The following ACTN1 variants were observed in gnomAD, a reference collection of about 807,000 sequenced individuals.
ACTN1 encodes the protein actinin alpha 1, also known as alpha-actinin-1.
A neutral mutation model predicts 119.6 loss-of-function variants in ACTN1; 30 were observed. That is an observed-to-expected ratio of 0.25 (90% CI 0.19 to 0.34). ACTN1 has a LOEUF of 0.34. Ranked by LOEUF, ACTN1 falls within the 10% of genes least tolerant of loss-of-function variation. ACTN1 has a pLI of 1.00. For missense variants in ACTN1, 764 were observed against 1,223.4 expected (o/e 0.62, Z 5.60); for synonymous variants, 429 against 472.6 (o/e 0.91, Z 1.20).
At position 68,892,056 on chromosome 14, in the gene ACTN1, G is replaced by A; in HGVS notation, c.1083C>T (p.Val361=). The A allele has an allele frequency of 2.5e-6, 4 of 1,613,540 alleles. No homozygotes were observed. The highest frequency in any genetic ancestry group is 2.5e-6 in the Non-Finnish European group (3 of 1,179,950). The change falls in exon 10 of 22, where the codon GTC becomes GTT. Residue 361 remains valine, a synonymous_variant. Transcript: ENST00000394419. ...PAFMPSEGRM[V]SDINNAWGCL... is the part of the protein sequence containing the mutation. ...CAGGCTCACCCCCAGTGCTCACCGA[G>A]ACCATCCTGCCCTCAGAGGGCATGA...
intron 1 of ACTN1, among the ~76,000 whole-genome samples, chr14:68,945,728 G>C (rs1048829427): frequency 6.6e-6 from 1 of 152,188 alleles, no homozygotes; most frequent in Non-Finnish European, 1.5e-5. Flanking sequence ...ACAGAAGGAG[G>C]AACAGGCAGA....
At chr14:68,920,902 C>G in intron 3 of ACTN1, 104 bp downstream of exon 3, 1 of 1,465,352 alleles carries the variant, frequency 6.8e-7, no homozygotes, top group Non-Finnish European at 9.3e-7. Flanking sequence ...CTGCCCAATG[C>G]CCCCAAGTGA....
chr14:68,977,800 T>TCC (rs35512297), intron 1 of ACTN1: 45,138 of 338,668 alleles, frequency 0.13, 1,012 homozygotes, highest in East Asian at 0.19. Flanking sequence ...CGCCATCCTG[T>TCC]CCCCCCCCCA....
rs1286730648 is a variant in ACTN1, at chr14:68,909,816, C to T, written c.515+139G>A. Reference sequence around the variant, plus strand: ...GGGATTCAGAGCGATGGCGACATCCCCTTCCCAAGGAAAGCTACTTCTTCC... The same window carrying T: ...GGGATTCAGAGCGATGGCGACATCCTCTTCCCAAGGAAAGCTACTTCTTCC... On this transcript the variant is annotated intron_variant, in intron 5 of 21. Coordinates refer to ENST00000394419, the MANE Select transcript of ACTN1 (RefSeq NM_001130004.2). This position sits in a 1 kb window ranked among gnomAD's most constrained non-coding sequence, Gnocchi z 4.1. 4.3e-6 allele frequency: 3 copies of T among 694,656 alleles called. No homozygotes were observed. In the African/African-American group the frequency reaches 5.4e-5, roughly 12 times the overall value. 43.0% of individuals were successfully genotyped at this position (694,656 alleles called of 1,614,324 possible).
chr14:68,922,399 C>G (rs1000565166), intron 2 of ACTN1, among the ~76,000 whole-genome samples: 1 of 152,242 alleles, frequency 6.6e-6, no homozygotes, highest in Non-Finnish European at 1.5e-5. Flanking sequence ...TCAAGACTTT[C>G]CACTTGGGGC....
chr14:68,975,589 T>C (rs974069106), intron 1 of ACTN1, among the ~76,000 whole-genome samples: 2 of 152,086 alleles, frequency 1.3e-5, no homozygotes, highest in Non-Finnish European at 2.9e-5. Flanking sequence ...CCTAAGAATG[T>C]GAGCGAAATT....
Position 68,925,759 on chromosome 14 carries a change from G to A in ACTN1, c.106-87C>T. 22 of 1,035,892 alleles carry A rather than the reference G, an allele frequency of 2.1e-5. No individual in the cohort carries two copies. The highest frequency in any genetic ancestry group is 3.2e-5 in the Non-Finnish European group (22 of 692,564). The allele number at this position is 1,035,892 out of a possible 1,614,324, so 64.2% of individuals were successfully genotyped here. Reference sequence around the variant, plus strand: ...GCCATTTAATGGTGCCAGGGGGTGGGAGGTGGACACCTACTCAGCAGAGCC... The same window carrying A: ...GCCATTTAATGGTGCCAGGGGGTGGAAGGTGGACACCTACTCAGCAGAGCC... On this transcript the variant is annotated intron_variant, in intron 1 of 21. Coordinates refer to ENST00000394419, the MANE Select transcript of ACTN1 (RefSeq NM_001130004.2). The surrounding 1 kb of genome is among the most constrained non-coding windows in gnomAD (Gnocchi z 4.3).
intron 1 of ACTN1, among the ~76,000 whole-genome samples, chr14:68,931,868 C>A (rs577585620): frequency 1.9e-4 from 29 of 152,244 alleles, no homozygotes; most frequent in South Asian, 1.7e-3. Context: ...CTACCTGCGG[C>A]TGAAGGCAGG....
Position 68,875,021 on chromosome 14 carries a change from C to CGAGGAGAGAGTGGTCAG in ACTN1, c.2587-21_2587-5dup. ...GCTCGTCCATGGTAATGTAGTTCTG[C>CGAGGAGAGAGTGGTCAG]GAGGAGAGAGTGGTCAGGAAGGCCG... On this transcript the variant is annotated splice_region_variant and splice_polypyrimidine_tract_variant and intron_variant, in intron 21 of 21. Coordinates refer to ENST00000394419, the MANE Select transcript of ACTN1 (RefSeq NM_001130004.2). 6.2e-7 allele frequency: 1 copy of CGAGGAGAGAGTGGTCAG among 1,612,628 alleles called. No homozygotes were observed. Among genetic ancestry groups the CGAGGAGAGAGTGGTCAG allele is most frequent in the Non-Finnish European group, 8.5e-7 (1 of 1,179,990 alleles).
chr14:68,881,127 G>C (rs746163998), intron 16 of ACTN1, 138 bp from the exon 17 acceptor site: 16 of 754,684 alleles, frequency 2.1e-5, no homozygotes, highest in Non-Finnish European at 3.4e-5. Context: ...GGCCATCACT[G>C]GTAATTAGTA....
chr14:68,918,733 A>G (rs1266426506), intron 3 of ACTN1, among the ~76,000 whole-genome samples: 1 of 148,628 alleles, frequency 6.7e-6, no homozygotes, highest in Non-Finnish European at 1.5e-5. Flanking sequence ...ATCTCTACTA[A>G]AAAAAAAAAA....
rs977268010 is a variant in ACTN1, at chr14:68,925,754, G to C, written c.106-82C>G. On this transcript the variant is annotated intron_variant, in intron 1 of 21. Coordinates refer to ENST00000394419, the MANE Select transcript of ACTN1 (RefSeq NM_001130004.2). The surrounding 1 kb of genome is among the most constrained non-coding windows in gnomAD (Gnocchi z 4.3). ...GACAAGCCATTTAATGGTGCCAGGG[G>C]GTGGGAGGTGGACACCTACTCAGCA... 17 of 1,095,482 alleles carry C rather than the reference G, an allele frequency of 1.6e-5. No individual in the cohort carries two copies. In the African/African-American group the frequency reaches 2.3e-4, roughly 15 times the overall value. The allele number at this position is 1,095,482 out of a possible 1,614,324, so 67.9% of individuals were successfully genotyped here. A position where few individuals can be genotyped will look rare whatever the true frequency, so the allele number is the denominator to read the frequency against.
At chr14:68,953,295 T>TCCTTCTTCCAGCC (rs1353222950) in intron 1 of ACTN1, among the ~76,000 whole-genome samples, 1 of 152,146 alleles carries the variant, frequency 6.6e-6, no homozygotes, top group Non-Finnish European at 1.5e-5. Context: ...GCTCTCCTGG[T>TCCTTCTTCCAGCC]CCTTCTTCCA....
At chr14:68,947,426 T>C (rs955718888) in intron 1 of ACTN1, 1 of 152,180 alleles carries the variant, frequency 6.6e-6, no homozygotes, top group Non-Finnish European at 1.5e-5. Flanking sequence ...CGGCAACAAC[T>C]CTGCAAGACA....
In ACTN1 at chr14:68,874,740, GC is replaced by G; in HGVS notation, c.*118del. On this transcript the variant is annotated 3_prime_UTR_variant, in exon 22 of 22. Coordinates refer to ENST00000394419, the MANE Select transcript of ACTN1 (RefSeq NM_001130004.2). ...GGCAGGGAGGATCGATGCCACGTGG[GC>G]CCCAGCTCACCCGGGTGGAGGCTGG... The G allele has an allele frequency of 9.5e-7, 1 of 1,048,266 alleles. No individual in the cohort carries two copies. The highest frequency in any genetic ancestry group is 1.3e-6 in the Non-Finnish European group (1 of 776,026). 64.9% of individuals were successfully genotyped at this position (1,048,266 alleles called of 1,614,324 possible). A position where few individuals can be genotyped will look rare whatever the true frequency, so the allele number is the denominator to read the frequency against.
At chr14:68,962,711 C>A (rs1417127716) in intron 1 of ACTN1, among the ~76,000 whole-genome samples, 1 of 152,260 alleles carries the variant, frequency 6.6e-6, no homozygotes, top group Non-Finnish European at 1.5e-5. Context: ...CCCATTGGGT[C>A]AACCCAACAC....
intron 11 of ACTN1, chr14:68,888,038 T>C (rs957661713): frequency 4.1e-6 from 3 of 729,916 alleles, no homozygotes; most frequent in Admixed American, 1.8e-5. Flanking sequence ...CCTCTTGGGC[T>C]TTTCCTTGGC....
intron 1 of ACTN1, among the ~76,000 whole-genome samples, chr14:68,972,881 T>TC (rs2036935038): frequency 6.6e-6 from 1 of 152,178 alleles, no homozygotes; most frequent in Non-Finnish European, 1.5e-5. Flanking sequence ...TGTAGAGTCC[T>TC]TAGGACAATT....
At chr14:68,978,556 G>A in intron 1 of ACTN1, 1 of 284,232 alleles carries the variant, frequency 3.5e-6, no homozygotes, top group South Asian at 3.0e-5. Context: ...GGCCAGGGGC[G>A]GAAGAAAAGG....
Sources: gnomAD v4.1 joint callset for allele counts (sites outside exome capture counted in the v4.1 genomes callset) on GRCh38, gnomAD v4.1.1 for gene constraint, Gnocchi (gnomAD v3.1) non-coding constraint, MANE v1.5 for transcripts, NCBI Gene and HGNC (gene_info 2026-07-23, HGNC 2026-07-21) for gene names.